Variants in PTPRD observed in about 807,000 individuals in gnomAD.
PTPRD encodes the protein receptor-type tyrosine-protein phosphatase delta.
A neutral mutation model predicts 214.5 loss-of-function variants in PTPRD; 34 were observed. The ratio of observed to expected loss-of-function variants is 0.16; its 90% CI spans 0.12 to 0.21. The LOEUF (loss-of-function observed/expected upper bound fraction) is 0.21. PTPRD is among the 10% of genes least tolerant of loss of function. The pLI is 1.00. For synonymous variants in PTPRD, 1,128 were observed against 845.7 expected (o/e 1.33, Z -5.79); for missense variants, 2,545 against 2,398.7 (o/e 1.06, Z -1.27).
At chr9:9,604,560 T>G (rs944402301) in intron 7 of PTPRD, among the ~76,000 whole-genome samples, 1 of 152,106 alleles carries the variant, frequency 6.6e-6, no homozygotes, top group Non-Finnish European at 1.5e-5. Flanking sequence ...CTTTAAATAT[T>G]CATTTTGTTC....
intron 37 of PTPRD, among the ~76,000 whole-genome samples, chr9:8,384,274 C>T (rs774219414): frequency 6.6e-6 from 1 of 152,060 alleles, no homozygotes; most frequent in Non-Finnish European, 1.5e-5. Context: ...CAGACCAATT[C>T]GTGTGCTTAT....
At chr9:8,809,747 C>A (rs2154522180) in intron 11 of PTPRD, among the ~76,000 whole-genome samples, 1 of 152,268 alleles carries the variant, frequency 6.6e-6, no homozygotes, top group African/African-American at 2.4e-5. Context: ...TGTCGAGAGC[C>A]AGTGTTCATT....
intron 11 of PTPRD, among the ~76,000 whole-genome samples, chr9:8,803,862 A>G (rs1302986701): frequency 6.6e-6 from 1 of 152,176 alleles, no homozygotes; most frequent in East Asian, 1.9e-4. Flanking sequence ...AAACCTATTT[A>G]TTGGTAAACA....
At chr9:10,358,690 CATAT>C (rs900962697) in intron 2 of PTPRD, among the ~76,000 whole-genome samples, 1 of 151,756 alleles carries the variant, frequency 6.6e-6, no homozygotes, top group East Asian at 1.9e-4. Context: ...GAAAAGTACA[CATAT>C]ATATATAAAG....
chr9:9,290,484 G>A (rs966254400), intron 9 of PTPRD, among the ~76,000 whole-genome samples: 1 of 151,300 alleles, frequency 6.6e-6, no homozygotes, highest in African/African-American at 2.4e-5. Context: ...TGATTTTTGT[G>A]AAAAACAATG....
At chr9:10,553,645 CT>C (rs1039735240) in intron 2 of PTPRD, among the ~76,000 whole-genome samples, 118 of 152,172 alleles carry the variant, frequency 7.8e-4, no homozygotes, top group African/African-American at 2.8e-3. Flanking sequence ...AGGACTCTTT[CT>C]AAAGTGGCAT....
chr9:9,789,771 T>C (rs576228864), intron 5 of PTPRD, among the ~76,000 whole-genome samples: 4 of 110,492 alleles, frequency 3.6e-5, no homozygotes, highest in African/African-American at 1.5e-4. Flanking sequence ...CACTCCAGCC[T>C]GGGCAACAGA....
chr9:8,449,198 T>A (rs756349446), intron 34 of PTPRD, among the ~76,000 whole-genome samples: 4 of 152,180 alleles, frequency 2.6e-5, no homozygotes, highest in Admixed American at 2.0e-4. Context: ...CCTGAAGTGA[T>A]CAGTGAAATT....
intron 14 of PTPRD, among the ~76,000 whole-genome samples, chr9:8,620,375 T>C (rs2095781596): frequency 6.6e-6 from 1 of 152,056 alleles, no homozygotes; most frequent in Non-Finnish European, 1.5e-5. Context: ...ATGCCGCTCA[T>C]GGAGAATCAG....
intron 9 of PTPRD, among the ~76,000 whole-genome samples, chr9:9,184,715 A>C (rs1180892026): frequency 6.6e-6 from 1 of 152,100 alleles, no homozygotes; most frequent in Non-Finnish European, 1.5e-5. Flanking sequence ...CCGTGGATAC[A>C]GCAACTAGTT....
chr9:8,535,708 G>C (rs1357648155), intron 14 of PTPRD, among the ~76,000 whole-genome samples: 2 of 151,832 alleles, frequency 1.3e-5, no homozygotes, highest in Admixed American at 1.3e-4. Context: ...ATGATGCCAA[G>C]AAGTCAGAGT....
At chr9:8,747,789 C>T (rs1020181798) in intron 11 of PTPRD, among the ~76,000 whole-genome samples, 1 of 152,142 alleles carries the variant, frequency 6.6e-6, no homozygotes, top group African/African-American at 2.4e-5. Flanking sequence ...TAGCACCCAT[C>T]AGATGGCCAA....
At chr9:10,241,675 C>A (rs1000981929) in intron 3 of PTPRD, among the ~76,000 whole-genome samples, 1 of 151,832 alleles carries the variant, frequency 6.6e-6, no homozygotes, top group Non-Finnish European at 1.5e-5. Flanking sequence ...CGGTGTTTTT[C>A]CTGAAAACCA....
chr9:9,878,322 G>A (rs568111209), intron 5 of PTPRD, among the ~76,000 whole-genome samples: 1 of 152,236 alleles, frequency 6.6e-6, no homozygotes, highest in South Asian at 2.1e-4. Context: ...AGTTCCAAGA[G>A]CTTACATTGT....
intron 11 of PTPRD, among the ~76,000 whole-genome samples, chr9:8,754,955 G>C (rs1221224878): frequency 6.6e-6 from 1 of 152,008 alleles, no homozygotes; most frequent in Non-Finnish European, 1.5e-5. Flanking sequence ...TATGAAAAAG[G>C]ACTGAACAAT....
intron 2 of PTPRD, among the ~76,000 whole-genome samples, chr9:10,586,037 A>G (rs2073782993): frequency 6.6e-6 from 1 of 152,076 alleles, no homozygotes; most frequent in Admixed American, 6.6e-5. Flanking sequence ...CATACTTAAT[A>G]TATTTATTTG....
intron 2 of PTPRD, among the ~76,000 whole-genome samples, chr9:10,345,643 T>C (rs149068321): frequency 0.012 from 1,853 of 152,316 alleles, 46 homozygotes; most frequent in African/African-American, 0.042. Flanking sequence ...ATGTGCCACA[T>C]TTTCTTTTTC....
At chr9:9,624,156 T>A (rs910127792) in intron 7 of PTPRD, among the ~76,000 whole-genome samples, 1 of 152,184 alleles carries the variant, frequency 6.6e-6, no homozygotes, top group Admixed American at 6.6e-5. Flanking sequence ...ATAAAGCAAG[T>A]CTTAATTGCC....
At chr9:10,100,683 C>T (rs746674404) in intron 3 of PTPRD, among the ~76,000 whole-genome samples, 12 of 151,422 alleles carry the variant, frequency 7.9e-5, no homozygotes, top group Non-Finnish European at 1.5e-4. Flanking sequence ...CATGTTGGAG[C>T]GTTACAGATT....
Sources: allele counts gnomAD v4.1 joint callset (sites outside exome capture counted in the v4.1 genomes callset), GRCh38; gene constraint gnomAD v4.1.1; transcripts MANE v1.5; gene names NCBI Gene and HGNC (gene_info 2026-07-23, HGNC 2026-07-21).